The following KREMEN1 variants were observed in gnomAD, a reference collection of about 807,000 sequenced individuals.
The protein encoded by KREMEN1 is kremen protein 1.
KREMEN1 carries 30 observed loss-of-function variants against 46.5 expected under a neutral mutation model. The observed-to-expected ratio is 0.65, with a 90% CI of 0.48 to 0.88. KREMEN1 has a LOEUF of 0.88. Ranked by LOEUF, KREMEN1 falls within the 40% of genes least tolerant of loss-of-function variation. The pLI is 0.00. For missense variants in KREMEN1, 533 were observed against 596.9 expected, an observed-to-expected ratio of 0.89 and a Z score of 1.11; for synonymous variants, 214 against 230.6, an observed-to-expected ratio of 0.93 and a Z score of 0.65.
intron 1 of KREMEN1, among the ~76,000 whole-genome samples, chr22:29,089,594 A>G (rs540867545): frequency 2.0e-4 from 25 of 124,034 alleles, no homozygotes; most frequent in Admixed American, 3.9e-4. Context: ...AAGATAAGTC[A>G]CAAAAATGAA....
downstream of KREMEN1, among the ~76,000 whole-genome samples, chr22:29,150,030 T>C (rs775844124): frequency 3.9e-5 from 6 of 152,202 alleles, no homozygotes; most frequent in Non-Finnish European, 8.8e-5. Context: ...AAGCTTTTGT[T>C]CCTCTGTGGC....
At chr22:29,125,065 A>G in intron 4 of KREMEN1, 198 bp from the exon 5 acceptor site, 1 of 595,482 alleles carries the variant, frequency 1.7e-6, no homozygotes, top group East Asian at 2.7e-5. Flanking sequence ...GCCGACAGGG[A>G]AACACATTGG....
At chr22:29,129,659 C>T (rs544537240) in intron 5 of KREMEN1, among the ~76,000 whole-genome samples, 21 of 152,286 alleles carry the variant, frequency 1.4e-4, no homozygotes, top group African/African-American at 5.1e-4. Flanking sequence ...ACCCAGGCTC[C>T]TCTGCAGTAG....
intron 5 of KREMEN1, among the ~76,000 whole-genome samples, chr22:29,128,164 A>T (rs562989750): frequency 3.9e-5 from 6 of 152,306 alleles, no homozygotes; most frequent in African/African-American, 1.2e-4. Context: ...AGGGATGATG[A>T]TTGTATAACA....
At chr22:29,127,577 C>T (rs1375017778) in intron 5 of KREMEN1, among the ~76,000 whole-genome samples, 3 of 152,024 alleles carry the variant, frequency 2.0e-5, no homozygotes, top group Non-Finnish European at 2.9e-5. Flanking sequence ...GCACAAGAAT[C>T]ACTTGAACCC....
chr22:29,160,652 C>T (rs2039003311), intron 9 of KREMEN1, among the ~76,000 whole-genome samples: 1 of 151,446 alleles, frequency 6.6e-6, no homozygotes. Flanking sequence ...AAAATAAAGG[C>T]ACAAAATCAA....
chr22:29,126,641 T>C (rs1210849554), intron 5 of KREMEN1, among the ~76,000 whole-genome samples: 1 of 152,234 alleles, frequency 6.6e-6, no homozygotes, highest in Non-Finnish European at 1.5e-5. Flanking sequence ...CTCGAACTTA[T>C]CTTTCTAGGG....
In KREMEN1 at chr22:29,125,342, C is replaced by CCGAATGCAACAGCGTCTGCTT. The variant is rs1308063942; in HGVS notation, c.560_580dup (p.Glu187_Phe193dup). 6.2e-7 allele frequency: 1 copy of CCGAATGCAACAGCGTCTGCTT among 1,614,148 alleles called. No homozygotes were observed. The highest frequency in any genetic ancestry group is 8.5e-7 in the Non-Finnish European group (1 of 1,180,022). On this transcript the variant is annotated inframe_insertion, in exon 5 of 9. Coordinates refer to ENST00000400335, the MANE Select transcript of KREMEN1 (RefSeq NM_001039570.3). ...TGGAAGTACGGGGAGGCAGCCAGTA[C>CCGAATGCAACAGCGTCTGCTT]CGAATGCAACAGCGTCTGCTTCGGG...
chr22:29,153,102 A>T lies in KREMEN1; in HGVS notation c.1416+11002A>T, dbSNP rs139402160. ...TTCCAGATATTGCCATGGCATTCAT[A>T]AACTGTCATGGCCCTGGTGGGAGTG... On this transcript the variant is annotated intron_variant, in intron 9 of 9. Coordinates refer to the KREMEN1 transcript ENST00000327813. Among the ~76,000 whole-genome samples the T allele has an allele frequency of 9.0e-3, 1,371 of 152,346 alleles. 14 individuals are homozygous for T. Among genetic ancestry groups the T allele is most frequent in the African/African-American group, 0.031 (1,308 of 41,574 alleles).
chr22:29,099,020 C>T (rs2037931461), intron 3 of KREMEN1, 67 bp downstream of exon 3: 1 of 1,220,390 alleles, frequency 8.2e-7, no homozygotes, highest in African/African-American at 1.5e-5. Flanking sequence ...TAGAGGGAGG[C>T]CCCTGCCAGA....
intron 3 of KREMEN1, among the ~76,000 whole-genome samples, chr22:29,117,833 C>A (rs888953403): frequency 1.1e-4 from 17 of 152,156 alleles, no homozygotes; most frequent in Non-Finnish European, 1.6e-4. Context: ...GAATTAATTT[C>A]TTTATTCAAT....
At chr22:29,094,862 G>A (rs1022571145) in intron 2 of KREMEN1, among the ~76,000 whole-genome samples, 1 of 151,954 alleles carries the variant, frequency 6.6e-6, no homozygotes, top group African/African-American at 2.4e-5. Flanking sequence ...CTGACCTTGT[G>A]ATCCGCCCGC....
At chr22:29,099,473 A>G (rs1344982410) in intron 3 of KREMEN1, 5 of 148,994 alleles carry the variant, frequency 3.4e-5, no homozygotes, top group South Asian at 2.1e-4. Flanking sequence ...TCACAACCCA[A>G]TTTCTTCAGC....
At chr22:29,111,801 A>G (rs889395902) in intron 3 of KREMEN1, 22 of 152,280 alleles carry the variant, frequency 1.4e-4, no homozygotes, top group African/African-American at 4.6e-4. Context: ...TGGTGAGAGC[A>G]GTGGAATAGA....
intron 3 of KREMEN1, among the ~76,000 whole-genome samples, chr22:29,111,873 C>A (rs1026492926): frequency 2.0e-5 from 3 of 152,162 alleles, no homozygotes; most frequent in Admixed American, 1.3e-4. Context: ...TAGATTCAAA[C>A]TGAGCCTTTA....
chr22:29,098,989 A>C, intron 3 of KREMEN1, 36 bp downstream of exon 3: 2 of 1,452,490 alleles, frequency 1.4e-6, no homozygotes, highest in Non-Finnish European at 1.9e-6. Flanking sequence ...GGTTTACAGG[A>C]CTGTGAACAC....
chr22:29,157,558 G>A (rs961331064), intron 9 of KREMEN1, among the ~76,000 whole-genome samples: 21 of 152,162 alleles, frequency 1.4e-4, no homozygotes, highest in Middle Eastern at 3.4e-3. Flanking sequence ...GGCTGGTCTC[G>A]AACTCCTGGC....
intron 9 of KREMEN1, among the ~76,000 whole-genome samples, chr22:29,162,866 A>G (rs2881802): frequency 0.33 from 49,737 of 152,152 alleles, 10,192 homozygotes; most frequent in African/African-American, 0.57. Flanking sequence ...GTAGGTGCCC[A>G]TCAATGGTGG....
At chr22:29,158,937 G>T (rs1185390513) in intron 9 of KREMEN1, among the ~76,000 whole-genome samples, 1 of 151,990 alleles carries the variant, frequency 6.6e-6, no homozygotes, top group Non-Finnish European at 1.5e-5. Context: ...TCCTGCCTCA[G>T]CCTCCCAAGT....
Sources: allele counts gnomAD v4.1 joint callset (sites outside exome capture counted in the v4.1 genomes callset), GRCh38; gene constraint gnomAD v4.1.1; transcripts MANE v1.5; gene names NCBI Gene and HGNC (gene_info 2026-07-23, HGNC 2026-07-21).